SUPT3H: variants seen among roughly 807,000 people sequenced by gnomAD.
The protein encoded by SUPT3H is SPT3 homolog, SAGA and STAGA complex component, also known as transcription initiation protein SPT3 homolog.
In SUPT3H, 44 loss-of-function variants were observed where a neutral mutation model predicts 44.3. That is an observed-to-expected ratio of 0.99 (90% CI 0.78 to 1.28). SUPT3H has a LOEUF of 1.28. Among genes scored for constraint, SUPT3H ranks in the 50% most tolerant of loss-of-function variants. SUPT3H has a pLI of 0.00. For synonymous variants in SUPT3H, 124 were observed against 125.6 expected (o/e 0.99, Z 0.09); for missense variants, 380 against 387.1 (o/e 0.98, Z 0.15).
intron 3 of SUPT3H, among the ~76,000 whole-genome samples, chr6:45,056,881 A>T (rs1455064932): frequency 6.6e-6 from 1 of 152,210 alleles, no homozygotes; most frequent in Admixed American, 6.5e-5. Flanking sequence ...TTAAACAACA[A>T]CAAAATTACC....
chr6:45,061,783 C>A (rs1394009145), intron 3 of SUPT3H, among the ~76,000 whole-genome samples: 3 of 151,324 alleles, frequency 2.0e-5, no homozygotes, highest in African/African-American at 7.3e-5. Context: ...TTATGAATAA[C>A]ATAATTCTAG....
At chr6:45,070,657 C>T (rs1209824403) in intron 3 of SUPT3H, among the ~76,000 whole-genome samples, 2 of 146,370 alleles carry the variant, frequency 1.4e-5, no homozygotes, top group East Asian at 2.0e-4. Flanking sequence ...ATCACTTGAA[C>T]CTGGGAGGTG....
intron 10 of SUPT3H, among the ~76,000 whole-genome samples, chr6:44,876,836 G>GAAAAAAAAAAAAA (rs200454659): frequency 9.8e-5 from 9 of 92,242 alleles, no homozygotes; most frequent in South Asian, 3.9e-4. Flanking sequence ...ATCTTCAATT[G>GAAAAAAAAAAAAA]AAAAAAAAAA....
chr6:45,377,552 C>G (rs953184236), intron 1 of SUPT3H: 4 of 152,290 alleles, frequency 2.6e-5, no homozygotes, highest in Admixed American at 2.0e-4. Context: ...GGCAGCGGAA[C>G]CAGGGCGCTG....
intron 2 of SUPT3H, among the ~76,000 whole-genome samples, chr6:45,152,427 T>C (rs1807100040): frequency 6.6e-6 from 1 of 152,158 alleles, no homozygotes; most frequent in South Asian, 2.1e-4. Context: ...TAGACGTCTA[T>C]CTGGTTGTCT....
chr6:45,222,741 T>C (rs893585759), intron 2 of SUPT3H, among the ~76,000 whole-genome samples: 15 of 152,146 alleles, frequency 9.9e-5, no homozygotes, highest in East Asian at 9.6e-4. Flanking sequence ...AAATTCTGTA[T>C]ATAAATGTTC....
intron 2 of SUPT3H, among the ~76,000 whole-genome samples, chr6:45,278,012 AAACT>A (rs1777309831): frequency 6.6e-6 from 1 of 152,164 alleles, no homozygotes; most frequent in African/African-American, 2.4e-5. Context: ...CATTCTCAGC[AAACT>A]AACACAGGAA....
chr6:45,218,528 G>C (rs1023914176), intron 2 of SUPT3H, among the ~76,000 whole-genome samples: 1 of 152,144 alleles, frequency 6.6e-6, no homozygotes, highest in Non-Finnish European at 1.5e-5. Context: ...TCGGGAGTTC[G>C]AGACCAGCCT....
chr6:44,889,235 A>G (rs1243179973), intron 10 of SUPT3H, among the ~76,000 whole-genome samples: 1 of 152,164 alleles, frequency 6.6e-6, no homozygotes, highest in Non-Finnish European at 1.5e-5. Context: ...CAAGCTACCA[A>G]TGACTTTCTT....
At chr6:44,946,830 C>T (rs1773428724) in intron 9 of SUPT3H, among the ~76,000 whole-genome samples, 1 of 152,118 alleles carries the variant, frequency 6.6e-6, no homozygotes, top group African/African-American at 2.4e-5. Flanking sequence ...AGAACTGACT[C>T]CAATTATGAA....
At chr6:44,879,901 C>A (rs976558017) in intron 10 of SUPT3H, among the ~76,000 whole-genome samples, 3 of 152,122 alleles carry the variant, frequency 2.0e-5, no homozygotes, top group Non-Finnish European at 4.4e-5. Context: ...AAAAGGACAT[C>A]CACTCAAAAG....
intron 6 of SUPT3H, among the ~76,000 whole-genome samples, chr6:44,985,921 A>G (rs1779724474): frequency 6.6e-6 from 1 of 152,160 alleles, no homozygotes; most frequent in Non-Finnish European, 1.5e-5. Flanking sequence ...TTGGCCCTTC[A>G]TGTGTTTTTA....
chr6:45,290,649 T>G (rs1780171713), intron 2 of SUPT3H, among the ~76,000 whole-genome samples: 2 of 152,262 alleles, frequency 1.3e-5, no homozygotes, highest in South Asian at 2.1e-4. Flanking sequence ...TCCAAAGAAG[T>G]GGCTGAAACT....
chr6:45,286,545 C>T (rs1035527080), intron 2 of SUPT3H, among the ~76,000 whole-genome samples: 3 of 152,128 alleles, frequency 2.0e-5, no homozygotes, highest in African/African-American at 7.2e-5. Flanking sequence ...CAATGAGATA[C>T]CAACTCACAC....
At chr6:44,968,775 T>C (rs1029612660) in intron 6 of SUPT3H, among the ~76,000 whole-genome samples, 13 of 152,146 alleles carry the variant, frequency 8.5e-5, no homozygotes, top group African/African-American at 3.1e-4. Flanking sequence ...CCCACATCAC[T>C]TTCTTTTCTC....
chr6:45,071,451 T>C (rs917500366), intron 3 of SUPT3H, among the ~76,000 whole-genome samples: 1 of 152,096 alleles, frequency 6.6e-6, no homozygotes, highest in South Asian at 2.1e-4. Context: ...TGAGTCCTTA[T>C]TATGCTTGGA....
chr6:45,081,797 G>A (rs1795851827), intron 3 of SUPT3H, among the ~76,000 whole-genome samples: 1 of 152,016 alleles, frequency 6.6e-6, no homozygotes, highest in Admixed American at 6.6e-5. Context: ...TCTTGGGCCT[G>A]ATAAAATATT....
chr6:45,181,007 C>T (rs1192288229), intron 2 of SUPT3H, among the ~76,000 whole-genome samples: 8 of 150,500 alleles, frequency 5.3e-5, no homozygotes, highest in African/African-American at 2.0e-4. Flanking sequence ...ACAATGAACT[C>T]AAACAAATTT....
intron 6 of SUPT3H, among the ~76,000 whole-genome samples, chr6:44,979,584 G>A (rs10948192): frequency 0.34 from 51,806 of 151,908 alleles, 9,777 homozygotes; most frequent in Admixed American, 0.44. Context: ...GTTAAGTGGA[G>A]CTTTGGAATT....
Sources: allele counts gnomAD v4.1 joint callset (sites outside exome capture counted in the v4.1 genomes callset), GRCh38; gene constraint gnomAD v4.1.1; transcripts MANE v1.5; gene names NCBI Gene and HGNC (gene_info 2026-07-23, HGNC 2026-07-21).